The following UNC5D variants were observed in gnomAD, a reference collection of about 807,000 sequenced individuals.
UNC5D encodes netrin receptor UNC5D.
Under a neutral mutation model 105.4 loss-of-function variants are expected in UNC5D, and 39 were observed. That is an observed-to-expected ratio of 0.37 (90% confidence interval 0.29 to 0.48). UNC5D has a LOEUF of 0.48. UNC5D is among the 20% of genes least tolerant of loss of function. UNC5D has a pLI of 0.98. For missense variants in UNC5D, 991 were observed against 1,202.4 expected, an observed-to-expected ratio of 0.82 and a Z score of 2.60; for synonymous variants, 452 against 450.4, an observed-to-expected ratio of 1.00 and a Z score of -0.04.
chr8:35,551,017 A>G (rs1416803375), intron 2 of UNC5D, among the ~76,000 whole-genome samples: 1 of 152,206 alleles, frequency 6.6e-6, no homozygotes, highest in East Asian at 1.9e-4. Context: ...AAAGGCCTCA[A>G]ATAAGAGTGT....
At chr8:35,439,678 G>T (rs1339313099) in intron 1 of UNC5D, among the ~76,000 whole-genome samples, 1 of 151,972 alleles carries the variant, frequency 6.6e-6, no homozygotes, top group Non-Finnish European at 1.5e-5. Context: ...TTCCCAAGAA[G>T]GGTGTCATCT....
chr8:35,505,161 G>A (rs1350642218), intron 1 of UNC5D, among the ~76,000 whole-genome samples: 2 of 152,126 alleles, frequency 1.3e-5, no homozygotes, highest in East Asian at 3.9e-4. Context: ...CACCTACTCT[G>A]TACCCACAAA....
intron 7 of UNC5D, among the ~76,000 whole-genome samples, chr8:35,694,067 G>A (rs962340390): frequency 1.3e-5 from 2 of 152,110 alleles, no homozygotes; most frequent in African/African-American, 2.4e-5. Context: ...ACATAAGAAC[G>A]AGTCCCTGTG....
At chr8:35,333,663 A>G (rs1164875613) in intron 1 of UNC5D, among the ~76,000 whole-genome samples, 1 of 152,074 alleles carries the variant, frequency 6.6e-6, no homozygotes, top group African/African-American at 2.4e-5. Flanking sequence ...TATTTTTAGT[A>G]GAGGCGGGGA....
In UNC5D at chr8:35,562,707, G is replaced by A. The variant is rs968970885; in HGVS notation, c.323-5391G>A. 7.9e-5 allele frequency among the ~76,000 whole-genome samples: 12 copies of A among 151,912 alleles called. No homozygotes were observed. In the East Asian group the frequency reaches 1.2e-3, roughly 15 times the overall value. ...AGTGGTTTGAACTCCTCATATGTTC[G>A]GTTATTAATCCCTTGTCAGATAGAT... On this transcript the variant is annotated intron_variant, in intron 2 of 16. Coordinates refer to ENST00000404895, the MANE Select transcript of UNC5D (RefSeq NM_080872.4).
intron 1 of UNC5D, among the ~76,000 whole-genome samples, chr8:35,283,224 C>T (rs564885669): frequency 1.8e-3 from 268 of 152,080 alleles, no homozygotes; most frequent in Middle Eastern, 3.4e-3. Context: ...TTTAATAGAT[C>T]ATTCTCTGTC....
Position 35,796,108 on chromosome 8 carries a change from C to T in UNC5D, c.*5545C>T, listed in dbSNP as rs960884268. On this transcript the variant is annotated 3_prime_UTR_variant, in exon 17 of 17. Transcript: ENST00000404895. ...CAACTTTTATTTGATGTGTTCAAAG[C>T]CAAAAAATAAAATAAAATAAAGCAG... The T allele has an allele frequency of 6.6e-6, 1 of 151,738 alleles. No individual in the cohort carries two copies. Among genetic ancestry groups the T allele is most frequent in the Admixed American group, 6.6e-5 (1 of 15,232 alleles). The allele number at this position is 151,738 out of a possible 1,614,324, so 9.4% of individuals were successfully genotyped here.
chr8:35,549,342 A>T lies in UNC5D; in HGVS notation c.154A>T (p.Thr52Ser). Reference sequence around the variant, plus strand: ...CGAATCCATCCCATCAGCTCCTGGGACACTGCCTCATTTCATAGAGGAGCC... The same window carrying T: ...CGAATCCATCCCATCAGCTCCTGGGTCACTGCCTCATTTCATAGAGGAGCC... The part of the protein sequence containing the change: ...LPESIPSAPG[T>S]LPHFIEEPDD... Residue 52 changes from threonine to serine, a missense_variant, in exon 2 of 17, where the codon ACA becomes TCA. Coordinates refer to ENST00000404895, the MANE Select transcript of UNC5D (RefSeq NM_080872.4). 6.2e-7 allele frequency: 1 copy of T among 1,613,528 alleles called. No individual in the cohort carries two copies. The highest frequency in any genetic ancestry group is 8.5e-7 in the Non-Finnish European group (1 of 1,180,042).
rs1481682003 is a variant in UNC5D, at chr8:35,705,938, C to G, written c.1094C>G (p.Pro365Arg). 1.5e-6 allele frequency: 2 copies of G among 1,329,334 alleles called. No homozygotes were observed. Among genetic ancestry groups the G allele is most frequent in the African/African-American group, 2.9e-5 (2 of 68,252 alleles). 82.3% of individuals were successfully genotyped at this position (1,329,334 alleles called of 1,614,324 possible). ...TDGLCILDKK[P>R]LHEIKPQSIE... ...TCTTTCTTTCTTTTAGATAAAAAAC[C>G]TCTTCATGAAATAAAACCCCAAAGT... Residue 365 changes from proline (P) to arginine (R), a missense_variant, in exon 8 of 17, where the codon CCT (proline) becomes CGT (arginine). Physicochemically the swap from Pro to Arg is moderately radical, Grantham distance 103 (BLOSUM62 -2). Transcript: ENST00000404895.
Position 35,749,625 on chromosome 8 carries a change from C to T in UNC5D, c.1935+930C>T, listed in dbSNP as rs559167478. Among the ~76,000 whole-genome samples, 23 of 152,246 alleles carry T rather than the reference C, an allele frequency of 1.5e-4. No homozygotes were observed. In the East Asian group the frequency reaches 3.3e-3, roughly 22 times the overall value. Reference sequence around the variant, plus strand: ...CCAGAATGCATTCTGCTATTTAGTGCGTTTTAGTGCAACCATGAGCAGATT... The same window carrying T: ...CCAGAATGCATTCTGCTATTTAGTGTGTTTTAGTGCAACCATGAGCAGATT... On this transcript the variant is annotated intron_variant, in intron 12 of 16. Coordinates refer to ENST00000404895, the MANE Select transcript of UNC5D (RefSeq NM_080872.4).
chr8:35,671,141 T>C (rs769417498), intron 4 of UNC5D, among the ~76,000 whole-genome samples: 2 of 152,122 alleles, frequency 1.3e-5, no homozygotes, highest in Non-Finnish European at 2.9e-5. Context: ...GTAAAACCAT[T>C]GTGCTTAGTT....
intron 1 of UNC5D, chr8:35,525,457 A>G: frequency 6.2e-7 from 1 of 1,612,278 alleles, no homozygotes; most frequent in Non-Finnish European, 8.5e-7. Flanking sequence ...CTGATTGCAT[A>G]GGCCTGGCTC....
intron 1 of UNC5D, among the ~76,000 whole-genome samples, chr8:35,260,152 T>G (rs996746260): frequency 6.6e-6 from 1 of 152,106 alleles, no homozygotes; most frequent in East Asian, 1.9e-4. Flanking sequence ...GTGACAGGTA[T>G]AGTTATGTCT....
At chr8:35,485,021 A>G (rs1424491128) in intron 1 of UNC5D, among the ~76,000 whole-genome samples, 1 of 152,222 alleles carries the variant, frequency 6.6e-6, no homozygotes, top group Non-Finnish European at 1.5e-5. Context: ...TTTTATTTTT[A>G]CTGAGGCAGA....
intron 2 of UNC5D, among the ~76,000 whole-genome samples, chr8:35,552,573 G>A (rs1033422634): frequency 1.3e-5 from 2 of 152,104 alleles, no homozygotes; most frequent in African/African-American, 4.8e-5. Flanking sequence ...TTTAATCTGG[G>A]CATGTTTCTG....
At chr8:35,645,708 A>AT (rs1208603460) in intron 4 of UNC5D, among the ~76,000 whole-genome samples, 5 of 152,004 alleles carry the variant, frequency 3.3e-5, no homozygotes, top group Non-Finnish European at 5.9e-5. Flanking sequence ...AGATATAGGC[A>AT]TTTTTCAGAG....
chr8:35,263,257 C>T (rs1382814081), intron 1 of UNC5D, among the ~76,000 whole-genome samples: 1 of 152,124 alleles, frequency 6.6e-6, no homozygotes, highest in Non-Finnish European at 1.5e-5. Flanking sequence ...CCTCTGAGAC[C>T]AGTTTCTTAA....
intron 1 of UNC5D, among the ~76,000 whole-genome samples, chr8:35,313,047 A>C (rs779599951): frequency 6.6e-6 from 1 of 152,162 alleles, no homozygotes; most frequent in Non-Finnish European, 1.5e-5. Context: ...GAAAAGACCA[A>C]TCTGTTGAAA....
intron 3 of UNC5D, among the ~76,000 whole-genome samples, chr8:35,578,001 G>A (rs552786935): frequency 9.9e-5 from 15 of 152,098 alleles, no homozygotes; most frequent in Admixed American, 2.6e-4. Context: ...GGGGCGGATG[G>A]ATCACTTGAG....
Sources: allele counts gnomAD v4.1 joint callset (sites outside exome capture counted in the v4.1 genomes callset), GRCh38; gene constraint gnomAD v4.1.1; transcripts MANE v1.5; gene names NCBI Gene and HGNC (gene_info 2026-07-23, HGNC 2026-07-21).